The following FOXO3B variants were observed in gnomAD, a reference collection of about 807,000 sequenced individuals.
FOXO3B encodes forkhead box protein O3B.
A neutral mutation model predicts 21.9 loss-of-function variants in FOXO3B; 15 were observed. The ratio of observed to expected loss-of-function variants is 0.68; its 90% CI spans 0.46 to 1.05. The LOEUF (loss-of-function observed/expected upper bound fraction) is 1.05, where lower values mean the gene tolerates loss of function less well. FOXO3B is among the 50% of genes least tolerant of loss of function. FOXO3B has a pLI of 0.00. For missense variants in FOXO3B, 293 were observed against 435.5 expected (o/e 0.67, Z 2.91); for synonymous variants, 135 against 213.6 (o/e 0.63, Z 3.21).
At position 18,672,979 on chromosome 17, in the gene FOXO3B, G is replaced by T. The variant is rs1480229399; in HGVS notation, c.203C>A (p.Pro68Gln). The part of the protein sequence containing the change: ...VHVPPPLHPA[P>Q]AREESARTPA... The stretch of plus-strand genomic sequence containing the variant: ...GGTTCTCGCGCTCTCCTCTCGCGCC[G>T]GGGCGGGGTGCAGCGGGGGAGGGAC... The change falls in exon 4 of 4, where the codon CCG (proline) becomes CAG (glutamine). Residue 68 changes from proline (P) to glutamine (Q), a missense_variant. Coordinates refer to ENST00000395675, the MANE Select transcript of FOXO3B (RefSeq NM_001368135.1). The surrounding 1 kb of genome is among the most constrained non-coding windows in gnomAD (Gnocchi z 4.2). 6.8e-7 allele frequency: 1 copy of T among 1,480,768 alleles called. No individual in the cohort carries two copies. The highest frequency in any genetic ancestry group is 1.3e-5 in the South Asian group (1 of 77,198). The allele number at this position is 1,480,768 out of a possible 1,614,324, so 91.7% of individuals were successfully genotyped here. A position where few individuals can be genotyped will look rare whatever the true frequency, so the allele number is the denominator to read the frequency against.
Position 18,669,389 on chromosome 17 carries a change from T to G in FOXO3B, c.*2920A>C, listed in dbSNP as rs1253525255. On this transcript the variant is annotated 3_prime_UTR_variant, in exon 4 of 4. Coordinates refer to ENST00000395675, the MANE Select transcript of FOXO3B (RefSeq NM_001368135.1). Reference sequence around the variant, plus strand: ...TTGTACTGTACATAATAAAATATATTTATACATTTATACGCCTAATGCTTT... The same window carrying G: ...TTGTACTGTACATAATAAAATATATGTATACATTTATACGCCTAATGCTTT... The G allele has an allele frequency of 6.7e-6, 1 of 149,018 alleles. No homozygotes were observed. Among genetic ancestry groups the G allele is most frequent in the Admixed American group, 6.6e-5 (1 of 15,064 alleles). 9.2% of individuals were successfully genotyped at this position (149,018 alleles called of 1,614,324 possible). A position where few individuals can be genotyped will look rare whatever the true frequency, so the allele number is the denominator to read the frequency against.
In FOXO3B at chr17:18,672,874, A is replaced by C; in HGVS notation, c.308T>G (p.Leu103Arg). 1 of 1,561,198 alleles carries C rather than the reference A, an allele frequency of 6.4e-7. No individual in the cohort carries two copies. Residue 103 changes from leucine to arginine, a missense_variant, in exon 4 of 4, where the codon CTG becomes CGG. Leu to Arg is a moderately radical substitution (Grantham distance 102). Transcript: ENST00000395675. This position sits in a 1 kb window ranked among gnomAD's most constrained non-coding sequence, Gnocchi z 4.2. ...PAPLSPLEVELDPEFEPQSRP... is the reference protein window; with the variant it reads ...PAPLSPLEVERDPEFEPQSRP... ...GCTCTGGGGCTCGAACTCCGGGTCCAGCTCCACTTCGAGCGGAGAAAGCGG... is the reference window on the plus strand; with the variant it reads ...GCTCTGGGGCTCGAACTCCGGGTCCCGCTCCACTTCGAGCGGAGAAAGCGG...
chr17:18,677,493 C>T, intron 3 of FOXO3B: 5 of 1,614,042 alleles, frequency 3.1e-6, no homozygotes, highest in Non-Finnish European at 4.2e-6. Flanking sequence ...GGAGGCGGGC[C>T]GCCTGCTCTT....
intron 3 of FOXO3B, chr17:18,677,639 G>A: frequency 1.2e-5 from 20 of 1,608,652 alleles, no homozygotes; most frequent in Non-Finnish European, 1.6e-5. Flanking sequence ...CCGACTCTGG[G>A]GCCCCAGGGG....
chr17:18,674,867 C>T (rs1467291899), intron 3 of FOXO3B, among the ~76,000 whole-genome samples: 1 of 152,120 alleles, frequency 6.6e-6, no homozygotes, highest in Non-Finnish European at 1.5e-5. Context: ...CACCATGTCC[C>T]ACAAAGCGTA....
intron 3 of FOXO3B, 43 bp downstream of exon 3, chr17:18,680,698 T>G: frequency 6.2e-7 from 1 of 1,603,150 alleles, no homozygotes; most frequent in South Asian, 1.1e-5. Context: ...ATCTGTACTC[T>G]AAGAAACAAG....
chr17:18,675,222 C>A (rs1045200094), intron 3 of FOXO3B, among the ~76,000 whole-genome samples: 31 of 150,720 alleles, frequency 2.1e-4, no homozygotes, highest in African/African-American at 7.4e-4. Flanking sequence ...ATATATGTAA[C>A]CTTGGATTAA....
rs1972618479 is a variant in FOXO3B, at chr17:18,668,552, T to G, written c.*3757A>C. 1 of 152,604 alleles carries G rather than the reference T, an allele frequency of 6.6e-6. No individual in the cohort carries two copies. The highest frequency in any genetic ancestry group is 2.4e-5 in the African/African-American group (1 of 41,468). The allele number at this position is 152,604 out of a possible 1,614,324, so 9.5% of individuals were successfully genotyped here. A position where few individuals can be genotyped will look rare whatever the true frequency, so the allele number is the denominator to read the frequency against. ...CACATTGGAGGGTTGCCTTTCTCACTCCCAAAGCAGCTCCCTGGGTCTGTA... is the reference window on the plus strand; with the variant it reads ...CACATTGGAGGGTTGCCTTTCTCACGCCCAAAGCAGCTCCCTGGGTCTGTA... On this transcript the variant is annotated 3_prime_UTR_variant, in exon 4 of 4. Coordinates refer to ENST00000395675, the MANE Select transcript of FOXO3B (RefSeq NM_001368135.1).
In FOXO3B at chr17:18,670,655, C is replaced by T. The variant is rs1461511020; in HGVS notation, c.*1654G>A. Among the ~76,000 whole-genome samples the T allele has an allele frequency of 2.0e-5, 3 of 152,162 alleles. No individual in the cohort carries two copies. The highest frequency in any genetic ancestry group is 2.9e-5 in the Non-Finnish European group (2 of 68,032). ...TGTCCTCCACTGGCAGGCGGCTCAC[C>T]ACCCTGTACAAAGAAGATTTTGCAT... On this transcript the variant is annotated 3_prime_UTR_variant, in exon 4 of 4. Coordinates refer to ENST00000395675, the MANE Select transcript of FOXO3B (RefSeq NM_001368135.1).
rs1597494355 is a variant in FOXO3B, at chr17:18,671,009, A to T, written c.*1300T>A. The T allele has an allele frequency of 1.0e-5, 13 of 1,296,016 alleles. No individual in the cohort carries two copies. In the East Asian group the frequency reaches 2.8e-4, roughly 28 times the overall value. 80.3% of individuals were successfully genotyped at this position (1,296,016 alleles called of 1,614,324 possible). A position where few individuals can be genotyped will look rare whatever the true frequency, so the allele number is the denominator to read the frequency against. Reference sequence around the variant, plus strand: ...TGGAGATGAGGGAATCAAAGTTAAAATCCAACCCATCAGCATCCATGAGTT... The same window carrying T: ...TGGAGATGAGGGAATCAAAGTTAAATTCCAACCCATCAGCATCCATGAGTT... On this transcript the variant is annotated 3_prime_UTR_variant, in exon 4 of 4. Coordinates refer to ENST00000395675, the MANE Select transcript of FOXO3B (RefSeq NM_001368135.1).
chr17:18,672,556 T>C lies in FOXO3B; in HGVS notation c.626A>G (p.Gln209Arg). 1 of 1,453,622 alleles carries C rather than the reference T, an allele frequency of 6.9e-7. No individual in the cohort carries two copies. The highest frequency in any genetic ancestry group is 1.4e-5 in the South Asian group (1 of 70,242). The allele number at this position is 1,453,622 out of a possible 1,614,324, so 90.0% of individuals were successfully genotyped here. Residue 209 changes from glutamine (Q) to arginine (R), a missense_variant, in exon 4 of 4, where the codon CAG becomes CGG. Gln to Arg is a conservative substitution (Grantham distance 43). Transcript: ENST00000395675. This position sits in a 1 kb window ranked among gnomAD's most constrained non-coding sequence, Gnocchi z 4.2. ...TAAGGLSGGTQALLQPQQPLP... is the reference protein window; with the variant it reads ...TAAGGLSGGTRALLQPQQPLP... ...CGGTTGCTGAGGCTGCAGCAGCGCC[T>C]GTGTACCCCCGCTCAGCCCGCCCGC...
intron 3 of FOXO3B, chr17:18,677,787 C>T (rs1019940213): frequency 1.4e-6 from 2 of 1,404,120 alleles, no homozygotes; most frequent in East Asian, 2.3e-5. Context: ...TCCACCGTGA[C>T]CCCAACCTCT....
intron 3 of FOXO3B, among the ~76,000 whole-genome samples, chr17:18,673,776 T>C (rs768817939): frequency 3.4e-4 from 51 of 151,640 alleles, no homozygotes; most frequent in Non-Finnish European, 5.6e-4. Context: ...CACTACAATG[T>C]TGAGAATGAA....
rs1431263984 is a variant in FOXO3B at position 18,670,540 on chromosome 17, C to T, written c.*1769G>A. On this transcript the variant is annotated 3_prime_UTR_variant, in exon 4 of 4. Coordinates refer to ENST00000395675, the MANE Select transcript of FOXO3B (RefSeq NM_001368135.1). ...CACAAGAACAACACTTAAAACATCCCATAAACCATCGCAATATTAAAACAC... is the reference window on the plus strand; with the variant it reads ...CACAAGAACAACACTTAAAACATCCTATAAACCATCGCAATATTAAAACAC... 6.6e-6 allele frequency among the ~76,000 whole-genome samples: 1 copy of T among 152,188 alleles called. No homozygotes were observed. Among genetic ancestry groups the T allele is most frequent in the African/African-American group, 2.4e-5 (1 of 41,428 alleles).
Position 18,677,594 on chromosome 17 carries a change from G to A in FOXO3B, c.126+3147C>T, listed in dbSNP as rs1271119309. The A allele has an allele frequency of 3.9e-5, 63 of 1,603,806 alleles. 1 individual carries two copies. The highest frequency in any genetic ancestry group is 5.1e-5 in the Non-Finnish European group (60 of 1,176,416). ...GGCCCAGCGGCAGGGCCAAAGCCGG[G>A]CGGGCCCTGGCCAGTGGCACTGCAG... On this transcript the variant is annotated intron_variant, in intron 3 of 3. Transcript: ENST00000395675.
At chr17:18,676,049 TG>T (rs1421965629) in intron 3 of FOXO3B, among the ~76,000 whole-genome samples, 2 of 152,070 alleles carry the variant, frequency 1.3e-5, no homozygotes, top group Admixed American at 1.3e-4. Context: ...CTAAAATACA[TG>T]AAGAACTCCA....
At chr17:18,679,863 CAG>C (rs1246816668) in intron 3 of FOXO3B, among the ~76,000 whole-genome samples, 1 of 148,344 alleles carries the variant, frequency 6.7e-6, no homozygotes, top group Non-Finnish European at 1.5e-5. Flanking sequence ...TTTTTTGAGA[CAG>C]AGTTTCCCTC....
At chr17:18,679,972 T>TG (rs1395939664) in intron 3 of FOXO3B, among the ~76,000 whole-genome samples, 1 of 152,136 alleles carries the variant, frequency 6.6e-6, no homozygotes, top group Non-Finnish European at 1.5e-5. Context: ...CCAGACTAGC[T>TG]GGGACTACAG....
At position 18,671,500 on chromosome 17, in the gene FOXO3B, A is replaced by G; in HGVS notation, c.*809T>C. On this transcript the variant is annotated 3_prime_UTR_variant, in exon 4 of 4. Coordinates refer to ENST00000395675, the MANE Select transcript of FOXO3B (RefSeq NM_001368135.1). The stretch of plus-strand genomic sequence containing the variant: ...ACATCGCTGTGGCTAAGTGAGTCCG[A>G]AGTGAGCAGGTCCTGGAGTGTCTGG... 6.3e-7 allele frequency: 1 copy of G among 1,594,686 alleles called. No homozygotes were observed. Among genetic ancestry groups the G allele is most frequent in the East Asian group, 2.2e-5 (1 of 44,584 alleles).
Sources: allele counts gnomAD v4.1 joint callset (sites outside exome capture counted in the v4.1 genomes callset), GRCh38; gene constraint gnomAD v4.1.1; non-coding constraint Gnocchi (gnomAD v3.1); transcripts MANE v1.5; gene names NCBI Gene and HGNC (gene_info 2026-07-23, HGNC 2026-07-21).